The following STX8 variants were observed in gnomAD, a reference collection of about 807,000 sequenced individuals.
The protein encoded by STX8 is syntaxin 8.
A neutral mutation model predicts 37.5 loss-of-function variants in STX8; 23 were observed. The ratio of observed to expected loss-of-function variants is 0.61; its 90% CI spans 0.44 to 0.87. STX8 has a LOEUF of 0.87. STX8 is among the 40% of genes least tolerant of loss of function. STX8 has a pLI of 0.00. For missense variants in STX8, 313 were observed against 284.7 expected, an observed-to-expected ratio of 1.10 and a Z score of -0.71; for synonymous variants, 115 against 99.1, an observed-to-expected ratio of 1.16 and a Z score of -0.95.
intron 6 of STX8, among the ~76,000 whole-genome samples, chr17:9,415,651 C>T (rs1456157849): frequency 6.6e-6 from 1 of 152,098 alleles, no homozygotes; most frequent in Non-Finnish European, 1.5e-5. Context: ...CGCCTGTAGT[C>T]CCAGCTACTC....
chr17:9,573,240 A>G (rs1907754652), intron 1 of STX8, among the ~76,000 whole-genome samples: 1 of 152,190 alleles, frequency 6.6e-6, no homozygotes, highest in South Asian at 2.1e-4. Context: ...GGAAAAGCCA[A>G]CCAGCATTAA....
chr17:9,492,067 T>A (rs2073863966), intron 5 of STX8, 146 bp from the exon 6 acceptor site: 1 of 542,814 alleles, frequency 1.8e-6, no homozygotes. Context: ...GGAACAAAAT[T>A]TAAAAACTAA....
chr17:9,507,584 C>T lies in STX8; in HGVS notation c.324-2422G>A, dbSNP rs562759424. Among the ~76,000 whole-genome samples the T allele has an allele frequency of 1.1e-3, 169 of 152,358 alleles. 1 individual carries two copies. The highest frequency in any genetic ancestry group is 4.0e-3 in the African/African-American group (165 of 41,578). On this transcript the variant is annotated intron_variant, in intron 4 of 7. Coordinates refer to ENST00000306357, the MANE Select transcript of STX8 (RefSeq NM_004853.3). This position sits in a 1 kb window ranked among gnomAD's most constrained non-coding sequence, Gnocchi z 4.0. ...AAACAGCCCAACAGGCCACCTCTGG[C>T]AGGCATACTCCCAGACTGGCCAAGC...
intron 4 of STX8, among the ~76,000 whole-genome samples, chr17:9,542,077 G>C (rs1231731657): frequency 6.6e-6 from 1 of 151,860 alleles, no homozygotes; most frequent in African/African-American, 2.4e-5. Flanking sequence ...AAATGACACA[G>C]GCCAGGTGTA....
intron 7 of STX8, among the ~76,000 whole-genome samples, chr17:9,327,239 AC>A (rs1395107019): frequency 2.8e-3 from 386 of 139,882 alleles, no homozygotes; most frequent in African/African-American, 0.01. Flanking sequence ...AGGAAGGAGG[AC>A]AGAGGAGGAA....
intron 7 of STX8, among the ~76,000 whole-genome samples, chr17:9,352,466 CTTT>C (rs745427686): frequency 1.1e-4 from 10 of 88,096 alleles, no homozygotes; most frequent in Admixed American, 2.6e-4. Context: ...CTTACTCCCA[CTTT>C]TTTTTTTTTT....
intron 6 of STX8, among the ~76,000 whole-genome samples, chr17:9,483,035 A>G (rs1906414056): frequency 6.6e-6 from 1 of 152,174 alleles, no homozygotes; most frequent in Non-Finnish European, 1.5e-5. Flanking sequence ...ACAATTCACA[A>G]AAAGACACCA....
intron 6 of STX8, among the ~76,000 whole-genome samples, chr17:9,444,827 T>C (rs1426194680): frequency 2.0e-5 from 3 of 152,232 alleles, no homozygotes. Context: ...ACAGGCTTTT[T>C]GTCTTTACCC....
intron 6 of STX8, among the ~76,000 whole-genome samples, chr17:9,401,036 T>C (rs1356662153): frequency 6.6e-6 from 1 of 152,160 alleles, no homozygotes; most frequent in East Asian, 1.9e-4. Context: ...CAAATCCAGA[T>C]CTTAGGATAT....
chr17:9,493,992 TG>T (rs535805607), intron 5 of STX8, among the ~76,000 whole-genome samples: 3 of 1,062 alleles, frequency 2.8e-3, no homozygotes, highest in East Asian at 0.05. Context: ...TCATATGTTT[TG>T]TTTTTTTTTG....
At chr17:9,414,374 C>T (rs56346530) in intron 6 of STX8, among the ~76,000 whole-genome samples, 4,464 of 151,508 alleles carry the variant, frequency 0.029, 234 homozygotes, top group African/African-American at 0.1. Flanking sequence ...CAAAATACAA[C>T]AAAAATGATT....
At chr17:9,439,548 T>TG (rs36101401) in intron 6 of STX8, among the ~76,000 whole-genome samples, 25,447 of 147,896 alleles carry the variant, frequency 0.17, 2,575 homozygotes, top group Middle Eastern at 0.25. Flanking sequence ...TTTTTTTTTT[T>TG]GCGGTGGTGT....
At chr17:9,558,931 T>G (rs541652508) in intron 2 of STX8, among the ~76,000 whole-genome samples, 2 of 152,076 alleles carry the variant, frequency 1.3e-5, no homozygotes, top group Non-Finnish European at 2.9e-5. Context: ...ATTTGGGAGA[T>G]GAAAGACGGA....
chr17:9,367,671 T>C (rs1482416320), intron 7 of STX8, among the ~76,000 whole-genome samples: 1 of 152,216 alleles, frequency 6.6e-6, no homozygotes, highest in Non-Finnish European at 1.5e-5. Flanking sequence ...GTATTGCTAC[T>C]TGATAAAATG....
chr17:9,433,793 T>C (rs1914056298), intron 6 of STX8, among the ~76,000 whole-genome samples: 2 of 152,142 alleles, frequency 1.3e-5, no homozygotes, highest in South Asian at 2.1e-4. Context: ...GGGCCAACTC[T>C]TCCTAGGAAA....
chr17:9,387,134 C>T lies in STX8; in HGVS notation c.542-8481G>A, dbSNP rs569088527. Among the ~76,000 whole-genome samples, 25 of 152,290 alleles carry T rather than the reference C, an allele frequency of 1.6e-4. No individual in the cohort carries two copies. The South Asian group carries it at 4.6e-3, about 28-fold the overall frequency. ...ATACTTAGATCCAAACTTTAGCAAA[C>T]GCTCAAAGGAAGTGATTTCGAGATC... On this transcript the variant is annotated intron_variant, in intron 6 of 7. Coordinates refer to ENST00000306357, the MANE Select transcript of STX8 (RefSeq NM_004853.3).
intron 4 of STX8, among the ~76,000 whole-genome samples, chr17:9,524,580 C>T (rs1459100378): frequency 6.6e-6 from 1 of 152,128 alleles, no homozygotes; most frequent in Non-Finnish European, 1.5e-5. Flanking sequence ...TGGGAGGACA[C>T]TACTATTCAG....
chr17:9,293,997 C>A (rs1322925596), intron 7 of STX8, among the ~76,000 whole-genome samples: 2 of 152,064 alleles, frequency 1.3e-5, no homozygotes, highest in African/African-American at 4.8e-5. Context: ...GATTTCCTGA[C>A]CTAGTGATCT....
At chr17:9,532,322 C>T (rs1014064875) in intron 4 of STX8, among the ~76,000 whole-genome samples, 2 of 152,136 alleles carry the variant, frequency 1.3e-5, no homozygotes, top group African/African-American at 2.4e-5. Context: ...CCTTCTACTT[C>T]GTCATCTCCA....
Sources: gnomAD v4.1 joint callset for allele counts (sites outside exome capture counted in the v4.1 genomes callset) on GRCh38, gnomAD v4.1.1 for gene constraint, Gnocchi (gnomAD v3.1) non-coding constraint, MANE v1.5 for transcripts, NCBI Gene and HGNC (gene_info 2026-07-23, HGNC 2026-07-21) for gene names.